WDPCP: variants seen among roughly 807,000 people sequenced by gnomAD.
The protein encoded by WDPCP is WD repeat-containing and planar cell polarity effector protein fritz homolog.
WDPCP carries 71 observed loss-of-function variants against 93.1 expected under a neutral mutation model. The observed-to-expected ratio is 0.76, with a 90% confidence interval of 0.63 to 0.93. The LOEUF (loss-of-function observed/expected upper bound fraction) is 0.93. Ranked by LOEUF, WDPCP falls within the 40% of genes least tolerant of loss-of-function variation. The pLI, the probability that WDPCP is intolerant of heterozygous loss-of-function variation, is 0.00. For synonymous variants in WDPCP, 315 were observed against 315.0 expected (o/e 1.00, Z 0.00); for missense variants, 844 against 887.4 (o/e 0.95, Z 0.62).
chr2:63,547,146 A>G (rs575945617), intron 1 of WDPCP, among the ~76,000 whole-genome samples: 1 of 152,166 alleles, frequency 6.6e-6, no homozygotes, highest in Admixed American at 6.5e-5. Context: ...GAAATATATT[A>G]AAAATGCTCA....
intron 3 of WDPCP, chr2:63,605,816 T>C (rs1709516279): frequency 2.5e-6 from 2 of 803,628 alleles, no homozygotes; most frequent in Non-Finnish European, 4.4e-6. Flanking sequence ...CTGATGATAG[T>C]TCCTTACACA....
chr2:63,606,238 G>A (rs992499926), intron 3 of WDPCP, among the ~76,000 whole-genome samples: 19 of 152,106 alleles, frequency 1.2e-4, no homozygotes, highest in Non-Finnish European at 2.1e-4. Context: ...ATAATTAGCC[G>A]GGCATGGTGG....
At chr2:63,400,490 G>A (rs967448164) in intron 10 of WDPCP, among the ~76,000 whole-genome samples, 6 of 152,080 alleles carry the variant, frequency 3.9e-5, no homozygotes, top group East Asian at 3.8e-4. Flanking sequence ...TCTGACAAAG[G>A]TCTAATATCC....
At chr2:63,526,000 T>C (rs964706767) in intron 1 of WDPCP, among the ~76,000 whole-genome samples, 1 of 152,232 alleles carries the variant, frequency 6.6e-6, no homozygotes, top group South Asian at 2.1e-4. Context: ...ACCTTATGTA[T>C]GTACGGCTTT....
At chr2:63,239,401 A>G (rs999995679) in intron 14 of WDPCP, among the ~76,000 whole-genome samples, 1 of 152,148 alleles carries the variant, frequency 6.6e-6, no homozygotes, top group African/African-American at 2.4e-5. Flanking sequence ...ATATAGATTT[A>G]TGGTTATATG....
chr2:63,612,374 C>T (rs1286999575), intron 3 of WDPCP, among the ~76,000 whole-genome samples: 2 of 152,138 alleles, frequency 1.3e-5, no homozygotes, highest in African/African-American at 4.8e-5. Flanking sequence ...TACGCCACCC[C>T]AAAATATGCC....
intron 13 of WDPCP, among the ~76,000 whole-genome samples, chr2:63,308,259 AT>A (rs1260757507): frequency 1.3e-5 from 2 of 152,188 alleles, no homozygotes; most frequent in Non-Finnish European, 2.9e-5. Context: ...GCTGGAGAGG[AT>A]GTGGAGAAAT....
chr2:63,629,476 C>T (rs1288575717), intron 3 of WDPCP, among the ~76,000 whole-genome samples: 4 of 152,184 alleles, frequency 2.6e-5, no homozygotes, highest in Non-Finnish European at 4.4e-5. Context: ...CCACCGTACT[C>T]GGTATTAATG....
intron 14 of WDPCP, among the ~76,000 whole-genome samples, chr2:63,186,094 G>A (rs1674619688): frequency 6.6e-6 from 1 of 152,096 alleles, no homozygotes; most frequent in South Asian, 2.1e-4. Context: ...GCTGGTGTGG[G>A]AATCTGCCTC....
intron 2 of WDPCP, chr2:63,751,934 A>G: frequency 1.5e-6 from 1 of 667,498 alleles, no homozygotes; most frequent in Non-Finnish European, 2.8e-6. Flanking sequence ...CTGCCACCAT[A>G]TCCACCATGA....
chr2:63,484,668 A>G lies in WDPCP; in HGVS notation c.325-5T>C. 6.2e-7 allele frequency: 1 copy of G among 1,612,826 alleles called. No homozygotes were observed. Among genetic ancestry groups the G allele is most frequent in the Non-Finnish European group, 8.5e-7 (1 of 1,179,192 alleles). ...CCGACTGTTTTGCATCAGCTCCTGA[A>G]GCACAACAGAAAAAGAGAGAGCGTA... On this transcript the variant is annotated splice_polypyrimidine_tract_variant and splice_region_variant and intron_variant, in intron 5 of 17. Transcript: ENST00000272321.
chr2:63,831,843 A>C (rs1267806605), upstream of WDPCP, among the ~76,000 whole-genome samples: 1 of 152,190 alleles, frequency 6.6e-6, no homozygotes, highest in Non-Finnish European at 1.5e-5. Flanking sequence ...TTGACAAGGA[A>C]AGTGATAAAA....
intron 2 of WDPCP, among the ~76,000 whole-genome samples, chr2:63,811,857 A>G (rs899895892): frequency 6.6e-6 from 1 of 151,974 alleles, no homozygotes; most frequent in Non-Finnish European, 1.5e-5. Flanking sequence ...AAGAACATAC[A>G]GTATTTGGTT....
At chr2:63,454,721 A>G (rs1698506888) in intron 6 of WDPCP, among the ~76,000 whole-genome samples, 1 of 152,084 alleles carries the variant, frequency 6.6e-6, no homozygotes, top group Non-Finnish European at 1.5e-5. Flanking sequence ...AGTGACCCCA[A>G]TCAGATTCAA....
chr2:63,324,191 T>G (rs1345630796), intron 12 of WDPCP, among the ~76,000 whole-genome samples: 1 of 151,942 alleles, frequency 6.6e-6, no homozygotes, highest in African/African-American at 2.4e-5. Flanking sequence ...GCAAATGGAG[T>G]GAAATACCTT....
At chr2:63,662,365 C>G (rs1430730511) in intron 2 of WDPCP, among the ~76,000 whole-genome samples, 1 of 152,062 alleles carries the variant, frequency 6.6e-6, no homozygotes, top group Non-Finnish European at 1.5e-5. Flanking sequence ...ACCACATGGT[C>G]TGTTTGTGTA....
chr2:63,738,984 A>G (rs1327929186), intron 2 of WDPCP, among the ~76,000 whole-genome samples: 1 of 152,114 alleles, frequency 6.6e-6, no homozygotes. Flanking sequence ...TACAATATGT[A>G]CTCTATGTGT....
intron 1 of WDPCP, among the ~76,000 whole-genome samples, chr2:63,535,710 T>G (rs1177465068): frequency 2.6e-5 from 4 of 152,158 alleles, no homozygotes; most frequent in Non-Finnish European, 5.9e-5. Flanking sequence ...CAAAAATTAA[T>G]TCGAGATGGA....
rs1558833112 is a variant in WDPCP, at chr2:63,575,479, G to GTATATATACAGTGTATACAC, written c.75+12717_75+12718insGTGTATACACTGTATATATA. ...ATACAGTATATATGCAGTATATACA[G>GTATATATACAGTGTATACAC]TGTATATATAGTATATACAGTATAT... On this transcript the variant is annotated intron_variant, in intron 1 of 17. Coordinates refer to ENST00000272321, the MANE Select transcript of WDPCP (RefSeq NM_015910.7). Among the ~76,000 whole-genome samples, 2 of 2,526 alleles carry GTATATATACAGTGTATACAC rather than the reference G, an allele frequency of 7.9e-4. 1 individual carries two copies. The highest frequency in any genetic ancestry group is 2.4e-3 in the African/African-American group (2 of 848). 1.7% of individuals were successfully genotyped at this position (2,526 alleles called of 152,430 possible).
Sources: allele counts gnomAD v4.1 joint callset (sites outside exome capture counted in the v4.1 genomes callset), GRCh38; gene constraint gnomAD v4.1.1; transcripts MANE v1.5; gene names NCBI Gene and HGNC (gene_info 2026-07-23, HGNC 2026-07-21).